Variants in ABHD12 observed in about 807,000 individuals in gnomAD.
The protein encoded by ABHD12 is abhydrolase domain containing 12, lysophospholipase, also known as lysophosphatidylserine lipase ABHD12.
A neutral mutation model predicts 58.3 loss-of-function variants in ABHD12; 43 were observed. The observed-to-expected ratio is 0.74, with a 90% CI of 0.58 to 0.95. The LOEUF (loss-of-function observed/expected upper bound fraction) is 0.95, where lower values mean the gene tolerates loss of function less well. Among genes scored for constraint, ABHD12 ranks in the 40% least tolerant of loss-of-function variants. The pLI, the probability that ABHD12 is intolerant of heterozygous loss-of-function variation, is 0.00. For missense variants in ABHD12, 539 were observed against 537.2 expected, an observed-to-expected ratio of 1.00 and a Z score of -0.03; for synonymous variants, 219 against 211.2, an observed-to-expected ratio of 1.04 and a Z score of -0.32.
intron 6 of ABHD12, among the ~76,000 whole-genome samples, chr20:25,313,871 G>A (rs903100522): frequency 6.6e-5 from 10 of 152,110 alleles, no homozygotes; most frequent in Non-Finnish European, 5.9e-5. Flanking sequence ...AGTGTCCTTG[G>A]TATATATCAA....
chr20:25,375,577 G>C (rs1354764888), intron 1 of ABHD12, among the ~76,000 whole-genome samples: 2 of 152,100 alleles, frequency 1.3e-5, no homozygotes, highest in African/African-American at 4.8e-5. Flanking sequence ...CCACAACCCT[G>C]GGAGTCCACG....
chr20:25,359,763 T>C (rs1473402273), intron 1 of ABHD12, among the ~76,000 whole-genome samples: 1 of 151,956 alleles, frequency 6.6e-6, no homozygotes, highest in Non-Finnish European at 1.5e-5. Flanking sequence ...AGAAACAGGG[T>C]TTCACCATGT....
intron 1 of ABHD12, among the ~76,000 whole-genome samples, chr20:25,360,824 G>A (rs995902001): frequency 2.6e-5 from 4 of 152,134 alleles, no homozygotes; most frequent in Non-Finnish European, 4.4e-5. Context: ...AGGATCAGGC[G>A]GACAACTGGA....
chr20:25,374,445 A>G (rs1396120946), intron 1 of ABHD12, among the ~76,000 whole-genome samples: 3 of 152,186 alleles, frequency 2.0e-5, no homozygotes, highest in African/African-American at 7.2e-5. Context: ...CAGATTTTCC[A>G]TGACTCTCCA....
chr20:25,351,057 ACT>A (rs1320171414), intron 1 of ABHD12, among the ~76,000 whole-genome samples: 3 of 151,264 alleles, frequency 2.0e-5, no homozygotes, highest in Non-Finnish European at 4.4e-5. Flanking sequence ...TCAGAGAGCT[ACT>A]CTCTCTTAGA....
chr20:25,320,411 C>A lies in ABHD12; in HGVS notation c.423-93G>T, dbSNP rs2089044956. 5.7e-6 allele frequency: 9 copies of A among 1,570,750 alleles called. No individual in the cohort carries two copies. The East Asian group carries it at 9.0e-5, about 16-fold the overall frequency. ...GTGGTGTTACTTAATCAGCTCAAGT[C>A]CAGACAGCAGGGAGCTGCAGACCCC... is the stretch of plus-strand genomic sequence containing the variant. On this transcript the variant is annotated intron_variant, in intron 3 of 12. Transcript: ENST00000339157.
intron 1 of ABHD12, among the ~76,000 whole-genome samples, chr20:25,344,957 T>C (rs1297979579): frequency 6.6e-6 from 1 of 152,156 alleles, no homozygotes; most frequent in Non-Finnish European, 1.5e-5. Context: ...AAAATGAAAG[T>C]AGACCTGATA....
chr20:25,386,017 C>T (rs2090085121), intron 1 of ABHD12, among the ~76,000 whole-genome samples: 1 of 151,718 alleles, frequency 6.6e-6, no homozygotes, highest in Admixed American at 6.6e-5. Flanking sequence ...AGGAGAATGG[C>T]GTGAACCCGG....
chr20:25,319,287 C>T (rs2089022018), intron 4 of ABHD12, among the ~76,000 whole-genome samples: 1 of 152,218 alleles, frequency 6.6e-6, no homozygotes, highest in Admixed American at 6.5e-5. Flanking sequence ...GGCAGGGAGG[C>T]CAACTCCAGG....
At chr20:25,312,196 C>T (rs1006641733) in intron 6 of ABHD12, among the ~76,000 whole-genome samples, 2 of 151,496 alleles carry the variant, frequency 1.3e-5, no homozygotes, top group Non-Finnish European at 3.0e-5. Flanking sequence ...GTCTCCCTCT[C>T]CCTCTCTTTC....
At chr20:25,364,707 G>C (rs1052544013) in intron 1 of ABHD12, among the ~76,000 whole-genome samples, 1 of 152,198 alleles carries the variant, frequency 6.6e-6, no homozygotes, top group African/African-American at 2.4e-5. Flanking sequence ...ACTAAATTAA[G>C]ATGACACATA....
chr20:25,386,670 C>T (rs1470653984), intron 1 of ABHD12, among the ~76,000 whole-genome samples: 4 of 152,044 alleles, frequency 2.6e-5, no homozygotes, highest in African/African-American at 7.2e-5. Flanking sequence ...TATCTGAGGT[C>T]AGTAGGTCGA....
chr20:25,314,390 G>A (rs890283234), intron 6 of ABHD12, among the ~76,000 whole-genome samples: 2 of 152,150 alleles, frequency 1.3e-5, no homozygotes, highest in African/African-American at 2.4e-5. Context: ...AATTTAAAAT[G>A]CTGCAGGTTG....
At chr20:25,296,304 A>G (rs910281928), downstream of ABHD12, 17 of 1,579,096 alleles carry the variant, frequency 1.1e-5, no homozygotes, top group Admixed American at 3.3e-5. Flanking sequence ...AAGTTCTGGA[A>G]TCCCATGTTT....
At chr20:25,368,445 C>T (rs547512325) in intron 1 of ABHD12, 42 of 1,598,248 alleles carry the variant, frequency 2.6e-5, no homozygotes, top group South Asian at 4.4e-5. Flanking sequence ...AACTGGGAAC[C>T]GTTTGTGTTG....
intron 11 of ABHD12, 91 bp downstream of exon 11, chr20:25,303,459 C>T: frequency 6.4e-7 from 1 of 1,562,858 alleles, no homozygotes. Flanking sequence ...GCAGGGGCTG[C>T]CTTCCCGCCT....
In ABHD12 at chr20:25,350,092, T is replaced by C. The variant is rs571262891; in HGVS notation, c.192-10741A>G. Among the ~76,000 whole-genome samples the C allele has an allele frequency of 6.6e-5, 10 of 152,238 alleles. No individual in the cohort carries two copies. The South Asian group carries it at 1.7e-3, about 25-fold the overall frequency. On this transcript the variant is annotated intron_variant, in intron 1 of 12. Transcript: ENST00000339157. ...CCCAATAATAAAACCCCTAGTGAAA[T>C]AGGAATACAGGACATTCCCTTAGGA...
intron 10 of ABHD12, 77 bp from the exon 11 acceptor site, chr20:25,303,705 T>G (rs1459811182): frequency 6.3e-7 from 1 of 1,594,874 alleles, no homozygotes; most frequent in Non-Finnish European, 8.5e-7. Flanking sequence ...ATGGCAGGGA[T>G]CTGGGTTCAG....
In ABHD12 at chr20:25,323,433, G is replaced by C; in HGVS notation, c.317-3C>G. 1 of 1,577,292 alleles carries C rather than the reference G, an allele frequency of 6.3e-7. No homozygotes were observed. Among genetic ancestry groups the C allele is most frequent in the Non-Finnish European group, 8.7e-7 (1 of 1,146,478 alleles). On this transcript the variant is annotated splice_region_variant and splice_polypyrimidine_tract_variant and intron_variant, in intron 2 of 12. Transcript: ENST00000339157. ...ATCAATGAAATAGGGAACTCTTACTGTAGGAAATAAAGAGATGGAAATTAG... is the reference window on the plus strand; with the variant it reads ...ATCAATGAAATAGGGAACTCTTACTCTAGGAAATAAAGAGATGGAAATTAG...
Sources: gnomAD v4.1 joint callset for allele counts (sites outside exome capture counted in the v4.1 genomes callset) on GRCh38, gnomAD v4.1.1 for gene constraint, MANE v1.5 for transcripts, NCBI Gene and HGNC (gene_info 2026-07-23, HGNC 2026-07-21) for gene names.